The following NCOA1 variants were observed in gnomAD, a reference collection of about 807,000 sequenced individuals.
The protein encoded by NCOA1 is nuclear receptor coactivator 1.
NCOA1 carries 35 observed loss-of-function variants against 150.9 expected under a neutral mutation model. The ratio of observed to expected loss-of-function variants is 0.23; its 90% CI spans 0.18 to 0.31. The LOEUF is 0.31. Among genes scored for constraint, NCOA1 ranks in the 10% least tolerant of loss-of-function variants. NCOA1 has a pLI of 1.00. For missense variants in NCOA1, 1,491 were observed against 1,749.3 expected, an observed-to-expected ratio of 0.85 and a Z score of 2.63; for synonymous variants, 590 against 630.0, an observed-to-expected ratio of 0.94 and a Z score of 0.95.
chr2:24,522,708 G>T (rs1664467166), intron 1 of NCOA1, among the ~76,000 whole-genome samples: 1 of 152,150 alleles, frequency 6.6e-6, no homozygotes, highest in Admixed American at 6.5e-5. Context: ...AAATAGATTG[G>T]AAGGGGGCTA....
chr2:24,510,517 A>T (rs952294290), intron 1 of NCOA1, among the ~76,000 whole-genome samples: 2 of 151,820 alleles, frequency 1.3e-5, no homozygotes, highest in South Asian at 2.1e-4. Context: ...TAATTTTTAA[A>T]TTTTTTGTTA....
chr2:24,579,185 G>T (rs1008956733), intron 2 of NCOA1, among the ~76,000 whole-genome samples: 1 of 152,136 alleles, frequency 6.6e-6, no homozygotes, highest in Non-Finnish European at 1.5e-5. Context: ...AGTTCTTAGA[G>T]GAATTTGAAC....
intron 3 of NCOA1, among the ~76,000 whole-genome samples, chr2:24,643,269 C>T (rs542480574): frequency 6.6e-6 from 1 of 152,136 alleles, no homozygotes. Flanking sequence ...AGTGGGAGTA[C>T]TGGGAAGAGT....
In NCOA1 at chr2:24,729,501, G is replaced by A. The variant is rs757994575; in HGVS notation, c.2887G>A (p.Gly963Arg). The A allele has an allele frequency of 2.5e-6, 4 of 1,609,822 alleles. No individual in the cohort carries two copies. The highest frequency in any genetic ancestry group is 3.4e-6 in the Non-Finnish European group (4 of 1,176,608). The change falls in exon 17 of 23, where the codon GGG (glycine) becomes AGG (arginine). Residue 963 changes from glycine to arginine, a missense_variant and splice_region_variant. Coordinates refer to ENST00000348332, the MANE Select transcript of NCOA1 (RefSeq NM_003743.5). ...AATATTCTGGCTTCTTTTCTAACAG[G>A]GGGGTGGATTAGATGTATTATCAGA... ...RALGIDKLVQ[G>R]GGLDVLSERF...
At chr2:24,633,029 G>A (rs1669771407) in intron 3 of NCOA1, among the ~76,000 whole-genome samples, 1 of 151,896 alleles carries the variant, frequency 6.6e-6, no homozygotes, top group African/African-American at 2.4e-5. Context: ...AGCAAATAGA[G>A]AAAAACTGGA....
chr2:24,764,099 A>G (rs1410018336), intron 22 of NCOA1, among the ~76,000 whole-genome samples: 3 of 152,218 alleles, frequency 2.0e-5, no homozygotes, highest in Non-Finnish European at 4.4e-5. Context: ...CACTGTATGC[A>G]TTATCTCATT....
chr2:24,541,003 ATAC>A lies in NCOA1; in HGVS notation c.-395-23286_-395-23284del, dbSNP rs1665369871. ...AGCATTTTGGGGATGAGAGTGAAAG[ATAC>A]TACTATCTCACTTGGGCATGCTGAG... On this transcript the variant is annotated intron_variant, in intron 1 of 22. Coordinates refer to ENST00000348332, the MANE Select transcript of NCOA1 (RefSeq NM_003743.5). 3.9e-5 allele frequency among the ~76,000 whole-genome samples: 6 copies of A among 152,278 alleles called. No homozygotes were observed. The South Asian group carries it at 1.2e-3, about 32-fold the overall frequency.
chr2:24,754,342 A>G (rs1400404452), intron 20 of NCOA1, among the ~76,000 whole-genome samples: 1 of 152,064 alleles, frequency 6.6e-6, no homozygotes, highest in Non-Finnish European at 1.5e-5. Context: ...GTAAAACCCC[A>G]CATCATCTTG....
At chr2:24,598,113 C>T (rs1017827956) in intron 3 of NCOA1, among the ~76,000 whole-genome samples, 6 of 152,090 alleles carry the variant, frequency 3.9e-5, no homozygotes, top group South Asian at 2.1e-4. Flanking sequence ...TGAACTCATC[C>T]GTTTTTATGT....
chr2:24,534,573 T>A (rs1411717473), intron 1 of NCOA1, among the ~76,000 whole-genome samples: 1 of 152,232 alleles, frequency 6.6e-6, no homozygotes, highest in Non-Finnish European at 1.5e-5. Context: ...TCCTGCTTTC[T>A]CTTGTGGGCA....
intron 3 of NCOA1, among the ~76,000 whole-genome samples, chr2:24,607,247 A>G (rs2148372969): frequency 6.6e-6 from 1 of 151,988 alleles, no homozygotes; most frequent in East Asian, 1.9e-4. Flanking sequence ...AGTTGGAATA[A>G]CAGGATATCA....
In NCOA1 at chr2:24,768,618, C is replaced by A; in HGVS notation, c.*227C>A. 3.1e-6 allele frequency: 1 copy of A among 324,432 alleles called. No individual in the cohort carries two copies. The highest frequency in any genetic ancestry group is 2.2e-5 in the African/African-American group (1 of 46,300). 20.1% of individuals were successfully genotyped at this position (324,432 alleles called of 1,614,324 possible). Reference sequence around the variant, plus strand: ...AAAGGCCTTGGATATTGAAAAAATACCAAGGCAGAACAGTTGGACAATCTA... The same window carrying A: ...AAAGGCCTTGGATATTGAAAAAATAACAAGGCAGAACAGTTGGACAATCTA... On this transcript the variant is annotated 3_prime_UTR_variant, in exon 23 of 23. Transcript: ENST00000348332.
At chr2:24,669,543 A>C (rs1361559508) in intron 6 of NCOA1, among the ~76,000 whole-genome samples, 1 of 152,196 alleles carries the variant, frequency 6.6e-6, no homozygotes. Flanking sequence ...TATTTAATCT[A>C]CTTGAACTTG....
At chr2:24,673,807 A>T in intron 7 of NCOA1, among the ~76,000 whole-genome samples, 1 of 152,218 alleles carries the variant, frequency 6.6e-6, no homozygotes, top group East Asian at 1.9e-4. Flanking sequence ...ATCTATATGT[A>T]TACCATAGAA....
In NCOA1 at chr2:24,747,875, G is replaced by A. The variant is rs977875715; in HGVS notation, c.3707-4107G>A. Among the ~76,000 whole-genome samples the A allele has an allele frequency of 9.9e-5, 15 of 152,158 alleles. No individual in the cohort carries two copies. The East Asian group carries it at 2.1e-3, about 21-fold the overall frequency. ...TAATCCCAGCACTTTGGGAGGCCAA[G>A]GCAAGTGGATCACCTGAGGTCGGAA... On this transcript the variant is annotated intron_variant, in intron 19 of 22. Coordinates refer to ENST00000348332, the MANE Select transcript of NCOA1 (RefSeq NM_003743.5).
intron 17 of NCOA1, among the ~76,000 whole-genome samples, chr2:24,732,516 A>G (rs1663069891): frequency 6.6e-6 from 1 of 152,200 alleles, no homozygotes; most frequent in African/African-American, 2.4e-5. Context: ...CACTGCAAGT[A>G]CTAGGAGTTT....
intron 7 of NCOA1, among the ~76,000 whole-genome samples, chr2:24,675,692 C>G (rs1671873125): frequency 1.3e-5 from 2 of 152,158 alleles, no homozygotes; most frequent in Non-Finnish European, 2.9e-5. Context: ...CAAGAGCAGC[C>G]TGGCCAAGAT....
intron 2 of NCOA1, among the ~76,000 whole-genome samples, chr2:24,572,153 C>A (rs1666767773): frequency 6.6e-6 from 1 of 152,050 alleles, no homozygotes; most frequent in Non-Finnish European, 1.5e-5. Flanking sequence ...AAAAATTGTT[C>A]TTTACTCTTT....
At chr2:24,500,959 C>T (rs1028413636) in intron 1 of NCOA1, among the ~76,000 whole-genome samples, 20 of 152,074 alleles carry the variant, frequency 1.3e-4, no homozygotes, top group Admixed American at 4.6e-4. Flanking sequence ...ACTTTAAGAG[C>T]TTTTTTTATA....
Sources: gnomAD v4.1 joint callset for allele counts (sites outside exome capture counted in the v4.1 genomes callset) on GRCh38, gnomAD v4.1.1 for gene constraint, MANE v1.5 for transcripts, NCBI Gene and HGNC (gene_info 2026-07-23, HGNC 2026-07-21) for gene names.